The following IQCF1 variants were observed in gnomAD, a reference collection of about 807,000 sequenced individuals.
IQCF1 encodes IQ motif containing F1.
IQCF1 carries 9 observed loss-of-function variants against 12.5 expected under a neutral mutation model. The observed-to-expected ratio is 0.72, with a 90% CI of 0.43 to 1.26. The LOEUF is 1.26. IQCF1 is among the 50% of genes most tolerant of loss of function. IQCF1 has a pLI of 0.00. For synonymous variants in IQCF1, 67 were observed against 96.2 expected (o/e 0.70, Z 1.78); for missense variants, 252 against 257.4 (o/e 0.98, Z 0.14).
In IQCF1 at chr3:51,900,718, T is replaced by A. The variant is rs1481006828; in HGVS notation, c.108+2267A>T. On this transcript the variant is annotated intron_variant, in intron 2 of 3. Transcript: ENST00000310914. This position sits in a 1 kb window ranked among gnomAD's most constrained non-coding sequence, Gnocchi z 4.2. ...GACTGCCCCAACCGGTTTTTGTAAT[T>A]TCCTAAAACCATACATTCATCTTAC... Among the ~76,000 whole-genome samples, 1 of 152,172 alleles carries A rather than the reference T, an allele frequency of 6.6e-6. No individual in the cohort carries two copies. Among genetic ancestry groups the A allele is most frequent in the Non-Finnish European group, 1.5e-5 (1 of 68,028 alleles).
chr3:51,896,953 G>T, intron 2 of IQCF1, 59 bp from the exon 3 acceptor site: 1 of 1,303,160 alleles, frequency 7.7e-7, no homozygotes, highest in Non-Finnish European at 1.1e-6. Flanking sequence ...TCTCTTCTTA[G>T]CCCAGCACTG....
In IQCF1 at chr3:51,901,881, C is replaced by T. The variant is rs537364564; in HGVS notation, c.108+1104G>A. Among the ~76,000 whole-genome samples, 347 of 152,308 alleles carry T rather than the reference C, an allele frequency of 2.3e-3. 1 individual carries two copies. The highest frequency in any genetic ancestry group is 7.8e-3 in the African/African-American group (325 of 41,554). Reference sequence around the variant, plus strand: ...AGCTGAGCAATTAGGGGCTACTAGCCGGATGGCTTGGGAAAATAGGATAGG... The same window carrying T: ...AGCTGAGCAATTAGGGGCTACTAGCTGGATGGCTTGGGAAAATAGGATAGG... On this transcript the variant is annotated intron_variant, in intron 2 of 3. Coordinates refer to ENST00000310914, the MANE Select transcript of IQCF1 (RefSeq NM_152397.3).
At chr3:51,897,017 A>G (rs540067769) in intron 2 of IQCF1, 123 bp from the exon 3 acceptor site, 3 of 777,630 alleles carry the variant, frequency 3.9e-6, no homozygotes, top group Admixed American at 4.0e-5. Flanking sequence ...AGTATGTTCA[A>G]TTCTTTGCCT....
Position 51,894,934 on chromosome 3 carries a change from G to T in IQCF1, c.574C>A (p.Pro192Thr). The T allele has an allele frequency of 6.2e-7, 1 of 1,614,124 alleles. No individual in the cohort carries two copies. Among genetic ancestry groups the T allele is most frequent in the Non-Finnish European group, 8.5e-7 (1 of 1,180,010 alleles). The change falls in exon 4 of 4, where the codon CCT becomes ACT. Residue 192 changes from proline (P) to threonine (T), a missense_variant. By Grantham distance (38) the Pro-to-Thr change is conservative. Coordinates refer to ENST00000310914, the MANE Select transcript of IQCF1 (RefSeq NM_152397.3). ...GGAATACACTCTGTCACAATGCAAG[G>T]CCCTGAGTCCAGCAAGATCTCCAGC... is the stretch of plus-strand genomic sequence containing the variant. ...LQLEILLDSGPCIVTECIPFS... is the reference protein window; with the variant it reads ...LQLEILLDSGTCIVTECIPFS...
Position 51,895,534 on chromosome 3 carries a change from G to A in IQCF1, c.172-198C>T, listed in dbSNP as rs1351360797. Among the ~76,000 whole-genome samples the A allele has an allele frequency of 1.3e-5, 2 of 152,214 alleles. No homozygotes were observed. Among genetic ancestry groups the A allele is most frequent in the Non-Finnish European group, 2.9e-5 (2 of 68,048 alleles). The stretch of plus-strand genomic sequence containing the variant: ...GCCATCCTCTGGTTGATAGCCACAA[G>A]CACAACAACTTGCCCCTGGGTCTCA... On this transcript the variant is annotated intron_variant, in intron 3 of 3. Coordinates refer to ENST00000310914, the MANE Select transcript of IQCF1 (RefSeq NM_152397.3). The surrounding 1 kb of genome is among the most constrained non-coding windows in gnomAD (Gnocchi z 4.8).
chr3:51,897,664 A>G (rs1161194923), intron 2 of IQCF1, among the ~76,000 whole-genome samples: 2 of 152,228 alleles, frequency 1.3e-5, no homozygotes, highest in African/African-American at 2.4e-5. Flanking sequence ...TGCACAGACC[A>G]AGGAAGGAGA....
intron 2 of IQCF1, 80 bp downstream of exon 2, chr3:51,902,905 A>T (rs959872531): frequency 9.2e-7 from 1 of 1,089,186 alleles, no homozygotes; most frequent in Non-Finnish European, 1.4e-6. Context: ...AACTTCACTT[A>T]TAACAGCACC....
rs532822215 is a variant in IQCF1, at chr3:51,903,154, G to T, written c.4-65C>A. The T allele has an allele frequency of 2.0e-5, 31 of 1,587,796 alleles. No homozygotes were observed. In the African/African-American group the frequency reaches 4.0e-4, roughly 21 times the overall value. Reference sequence around the variant, plus strand: ...GGTCCCTCCCTCTCCATTCAATATGGCACACATCCCCAGCTTCCAGGGCTT... The same window carrying T: ...GGTCCCTCCCTCTCCATTCAATATGTCACACATCCCCAGCTTCCAGGGCTT... On this transcript the variant is annotated intron_variant, in intron 1 of 3. Transcript: ENST00000310914.
chr3:51,896,940 A>G, intron 2 of IQCF1, 46 bp from the exon 3 acceptor site: 1 of 1,452,688 alleles, frequency 6.9e-7, no homozygotes, highest in South Asian at 1.1e-5. Flanking sequence ...TGAGTTGTTT[A>G]TTTCTCTTCT....
chr3:51,895,211 C>T lies in IQCF1; in HGVS notation c.297G>A (p.Gln99=), dbSNP rs781111841. Residue 99 remains glutamine, a synonymous_variant, in exon 4 of 4, where the codon CAG becomes CAA. Coordinates refer to ENST00000310914, the MANE Select transcript of IQCF1 (RefSeq NM_152397.3). The surrounding 1 kb of genome is among the most constrained non-coding windows in gnomAD (Gnocchi z 4.8). ...LHAALSACII[Q]CWWRLILSKI... The stretch of plus-strand genomic sequence containing the variant: ...TGGACAGTATCAGCCGCCACCAGCA[C>T]TGAATGATGCAGGCACTGAGGGCTG... 1.2e-6 allele frequency: 2 copies of T among 1,614,226 alleles called. No individual in the cohort carries two copies. Among genetic ancestry groups the T allele is most frequent in the East Asian group, 4.5e-5 (2 of 44,876 alleles).
In IQCF1 at chr3:51,895,535, CACA is replaced by C. The variant is rs1041386938; in HGVS notation, c.172-202_172-200del. On this transcript the variant is annotated intron_variant, in intron 3 of 3. Transcript: ENST00000310914. This position sits in a 1 kb window ranked among gnomAD's most constrained non-coding sequence, Gnocchi z 4.8. The stretch of plus-strand genomic sequence containing the variant: ...CCATCCTCTGGTTGATAGCCACAAG[CACA>C]ACAACTTGCCCCTGGGTCTCAGTGT... Among the ~76,000 whole-genome samples, 1 of 152,236 alleles carries C rather than the reference CACA, an allele frequency of 6.6e-6. No individual in the cohort carries two copies. The highest frequency in any genetic ancestry group is 2.4e-5 in the African/African-American group (1 of 41,458).
rs1344774553 is a variant in IQCF1 at position 51,900,085 on chromosome 3, C to G, written c.108+2900G>C. On this transcript the variant is annotated intron_variant, in intron 2 of 3. Coordinates refer to ENST00000310914, the MANE Select transcript of IQCF1 (RefSeq NM_152397.3). The surrounding 1 kb of genome is among the most constrained non-coding windows in gnomAD (Gnocchi z 4.2). Reference sequence around the variant, plus strand: ...TTTCCTTTCCCTCAAAACTAAAAGTCTTTTAGCACAGGTACCACCCCTAGA... The same window carrying G: ...TTTCCTTTCCCTCAAAACTAAAAGTGTTTTAGCACAGGTACCACCCCTAGA... 2.6e-5 allele frequency among the ~76,000 whole-genome samples: 4 copies of G among 152,078 alleles called. No homozygotes were observed. Among genetic ancestry groups the G allele is most frequent in the Non-Finnish European group, 5.9e-5 (4 of 67,994 alleles).
At position 51,903,340 on chromosome 3, in the gene IQCF1, TAGGC is replaced by T. The variant is rs1553713190; in HGVS notation, c.-72_-69del. ...CATCTGTGTTCATCCAGCCATAGCA[TAGGC>T]AGGAAGGGTGGAGGAAGAAAGGCCT... On this transcript the variant is annotated 5_prime_UTR_variant, in exon 1 of 4. Coordinates refer to ENST00000310914, the MANE Select transcript of IQCF1 (RefSeq NM_152397.3). 1 of 1,564,544 alleles carries T rather than the reference TAGGC, an allele frequency of 6.4e-7. No homozygotes were observed. The highest frequency in any genetic ancestry group is 8.8e-7 in the Non-Finnish European group (1 of 1,134,782).
chr3:51,897,407 T>C (rs1299505218), intron 2 of IQCF1, among the ~76,000 whole-genome samples: 1 of 152,236 alleles, frequency 6.6e-6, no homozygotes, highest in Non-Finnish European at 1.5e-5. Context: ...TGCTATTTCT[T>C]TTGCGGCACC....
chr3:51,902,704 G>C (rs915826825), intron 2 of IQCF1: 1 of 392,966 alleles, frequency 2.5e-6, no homozygotes, highest in African/African-American at 2.1e-5. Context: ...TCTAACCCTA[G>C]CCAATAGGGG....
At chr3:51,899,737 G>A (rs1401686972) in intron 2 of IQCF1, among the ~76,000 whole-genome samples, 1 of 152,148 alleles carries the variant, frequency 6.6e-6, no homozygotes, top group African/African-American at 2.4e-5. Flanking sequence ...GTTAAAAACA[G>A]TCTATAAAAT....
At chr3:51,896,543 CTT>C (rs760972645) in intron 3 of IQCF1, among the ~76,000 whole-genome samples, 21 of 152,166 alleles carry the variant, frequency 1.4e-4, no homozygotes, top group Non-Finnish European at 3.1e-4. Flanking sequence ...GAGTTCAACT[CTT>C]TTTTCTTTCC....
At chr3:51,902,864 T>C (rs752413460) in intron 2 of IQCF1, 121 bp downstream of exon 2, 3 of 854,720 alleles carry the variant, frequency 3.5e-6, no homozygotes, top group African/African-American at 3.3e-5. Context: ...GAAAATTTTA[T>C]ATTTGAGTGC....
chr3:51,897,330 C>T (rs549036706), intron 2 of IQCF1, among the ~76,000 whole-genome samples: 2 of 152,324 alleles, frequency 1.3e-5, no homozygotes, highest in East Asian at 3.9e-4. Context: ...ACCATTGCTC[C>T]GTCTGAAAGG....
Sources: allele counts gnomAD v4.1 joint callset (sites outside exome capture counted in the v4.1 genomes callset), GRCh38; gene constraint gnomAD v4.1.1; non-coding constraint Gnocchi (gnomAD v3.1); transcripts MANE v1.5; gene names NCBI Gene and HGNC (gene_info 2026-07-23, HGNC 2026-07-21).